Variants in RIN3 observed in about 807,000 individuals in gnomAD.
RIN3 encodes the protein Ras and Rab interactor 3, also known as RAB5 interacting protein 3.
In RIN3, 54 loss-of-function variants were observed where a neutral mutation model predicts 76.3. The ratio of observed to expected loss-of-function variants is 0.71; its 90% confidence interval spans 0.57 to 0.89. The LOEUF (loss-of-function observed/expected upper bound fraction) is 0.89, where lower values mean the gene tolerates loss of function less well. RIN3 is among the 40% of genes least tolerant of loss of function. RIN3 has a pLI of 0.00. For synonymous variants in RIN3, 576 were observed against 564.0 expected (o/e 1.02, Z -0.30); for missense variants, 1,256 against 1,322.1 (o/e 0.95, Z 0.78).
At chr14:92,515,083 G>GCTGGGAGGGA (rs1479665539) in intron 1 of RIN3, 1 of 584,502 alleles carries the variant, frequency 1.7e-6, no homozygotes, top group Non-Finnish European at 3.1e-6. Context: ...CTCTCACTCA[G>GCTGGGAGGGA]CTGGGAGGGA....
At chr14:92,563,944 G>C (rs1052881668) in intron 2 of RIN3, among the ~76,000 whole-genome samples, 2 of 152,138 alleles carry the variant, frequency 1.3e-5, no homozygotes, top group African/African-American at 4.8e-5. Context: ...CTCTGTCAGA[G>C]TCAGGACTGA....
chr14:92,519,585 G>C (rs1451142237), intron 1 of RIN3, among the ~76,000 whole-genome samples: 1 of 152,216 alleles, frequency 6.6e-6, no homozygotes, highest in Non-Finnish European at 1.5e-5. Flanking sequence ...GCCCCTGTCA[G>C]GGTTGGAGTC....
Position 92,648,972 on chromosome 14 carries a change from C to A in RIN3, c.533-2610C>A, listed in dbSNP as rs1057112071. Among the ~76,000 whole-genome samples, 1 of 152,158 alleles carries A rather than the reference C, an allele frequency of 6.6e-6. No individual in the cohort carries two copies. The highest frequency in any genetic ancestry group is 1.5e-5 in the Non-Finnish European group (1 of 68,026). Reference sequence around the variant, plus strand: ...GACCTGCTGGTGGGGCAGCGCATGGCACGTGGAGGAAGGAGTGAACGGCAG... The same window carrying A: ...GACCTGCTGGTGGGGCAGCGCATGGAACGTGGAGGAAGGAGTGAACGGCAG... On this transcript the variant is annotated intron_variant, in intron 5 of 9. Coordinates refer to ENST00000216487, the MANE Select transcript of RIN3 (RefSeq NM_024832.5). This position sits in a 1 kb window ranked among gnomAD's most constrained non-coding sequence, Gnocchi z 4.1.
chr14:92,606,795 C>T (rs983083942), intron 3 of RIN3, among the ~76,000 whole-genome samples: 1 of 152,116 alleles, frequency 6.6e-6, no homozygotes, highest in Non-Finnish European at 1.5e-5. Context: ...AGAATCCTCA[C>T]GGTGGGAATA....
intron 3 of RIN3, among the ~76,000 whole-genome samples, chr14:92,611,422 G>A (rs1885731312): frequency 6.6e-6 from 1 of 152,094 alleles, no homozygotes; most frequent in Non-Finnish European, 1.5e-5. Flanking sequence ...TACCACTCCT[G>A]GCTAATTTTT....
At chr14:92,531,107 T>C (rs767434218) in intron 1 of RIN3, among the ~76,000 whole-genome samples, 2 of 152,172 alleles carry the variant, frequency 1.3e-5, no homozygotes, top group Non-Finnish European at 2.9e-5. Context: ...TTCACCAGTG[T>C]CTTCGTCAGC....
intron 3 of RIN3, among the ~76,000 whole-genome samples, chr14:92,609,944 A>G (rs963581031): frequency 1.3e-5 from 2 of 151,878 alleles, no homozygotes; most frequent in Non-Finnish European, 2.9e-5. Flanking sequence ...TATTTAATGT[A>G]TCAATATCTT....
At chr14:92,651,488 C>G in intron 5 of RIN3, 94 bp from the exon 6 acceptor site, 35 of 525,016 alleles carry the variant, frequency 6.7e-5, no homozygotes, top group Middle Eastern at 7.0e-4. Flanking sequence ...GAACAGCCCT[C>G]CCACCCGTGG....
chr14:92,605,963 T>C (rs980701012), intron 3 of RIN3, among the ~76,000 whole-genome samples: 5 of 152,118 alleles, frequency 3.3e-5, no homozygotes, highest in African/African-American at 1.2e-4. Context: ...CAGACAAGCT[T>C]GGATAGCACT....
At position 92,589,717 on chromosome 14, in the gene RIN3, G is replaced by A. The variant is rs951245132; in HGVS notation, c.367+12240G>A. ...TAATAGTGCCTGGCACACAGTAGGTGCTCATAAAAAGTTAGTTGTCTCTCC... is the reference window on the plus strand; with the variant it reads ...TAATAGTGCCTGGCACACAGTAGGTACTCATAAAAAGTTAGTTGTCTCTCC... On this transcript the variant is annotated intron_variant, in intron 3 of 9. Coordinates refer to ENST00000216487, the MANE Select transcript of RIN3 (RefSeq NM_024832.5). 2.0e-5 allele frequency among the ~76,000 whole-genome samples: 3 copies of A among 152,198 alleles called. No individual in the cohort carries two copies. In the South Asian group the frequency reaches 6.2e-4, roughly 32 times the overall value.
intron 1 of RIN3, among the ~76,000 whole-genome samples, chr14:92,520,995 A>C (rs1448694536): frequency 6.6e-6 from 1 of 152,140 alleles, no homozygotes; most frequent in Non-Finnish European, 1.5e-5. Flanking sequence ...TTTTTGACGG[A>C]GCATCCATCT....
chr14:92,671,491 G>A (rs1888287572), intron 7 of RIN3, among the ~76,000 whole-genome samples: 1 of 152,206 alleles, frequency 6.6e-6, no homozygotes, highest in African/African-American at 2.4e-5. Context: ...TAACCCTGGG[G>A]CAGCCCAGGA....
chr14:92,629,594 C>T (rs1381474272), intron 4 of RIN3, among the ~76,000 whole-genome samples: 3 of 152,214 alleles, frequency 2.0e-5, no homozygotes, highest in Admixed American at 6.5e-5. Flanking sequence ...ACTGGCCTTA[C>T]GTTCCCTGCC....
At chr14:92,553,250 G>C (rs1897486097) in intron 1 of RIN3, among the ~76,000 whole-genome samples, 1 of 152,150 alleles carries the variant, frequency 6.6e-6, no homozygotes, top group Admixed American at 6.5e-5. Context: ...GCCCGGGGGA[G>C]GCTGGGGCCC....
At chr14:92,560,304 C>A (rs910060574) in intron 2 of RIN3, among the ~76,000 whole-genome samples, 1 of 152,152 alleles carries the variant, frequency 6.6e-6, no homozygotes, top group Non-Finnish European at 1.5e-5. Flanking sequence ...CTCACCACCC[C>A]CTTCTGAGGG....
chr14:92,638,194 C>T (rs779475067), intron 4 of RIN3, among the ~76,000 whole-genome samples: 5 of 152,044 alleles, frequency 3.3e-5, no homozygotes, highest in East Asian at 1.9e-4. Flanking sequence ...GGTGTGGCCT[C>T]GAAGGATGTA....
At chr14:92,559,566 G>A (rs754336641) in intron 2 of RIN3, among the ~76,000 whole-genome samples, 1 of 152,244 alleles carries the variant, frequency 6.6e-6, no homozygotes, top group African/African-American at 2.4e-5. Context: ...GCACCAATAT[G>A]AACCGTAAAG....
intron 2 of RIN3, among the ~76,000 whole-genome samples, chr14:92,573,305 A>G (rs934281785): frequency 6.6e-6 from 1 of 152,196 alleles, no homozygotes; most frequent in Non-Finnish European, 1.5e-5. Context: ...GACAGCTCCA[A>G]AAAATCCCAA....
intron 2 of RIN3, among the ~76,000 whole-genome samples, chr14:92,574,302 C>T (rs1898150817): frequency 6.6e-6 from 1 of 152,160 alleles, no homozygotes; most frequent in Admixed American, 6.5e-5. Context: ...GACAGGTGTG[C>T]CATTTGCATT....
Sources: gnomAD v4.1 joint callset for allele counts (sites outside exome capture counted in the v4.1 genomes callset) on GRCh38, gnomAD v4.1.1 for gene constraint, Gnocchi (gnomAD v3.1) non-coding constraint, MANE v1.5 for transcripts, NCBI Gene and HGNC (gene_info 2026-07-23, HGNC 2026-07-21) for gene names.